The following WDR64 variants were observed in gnomAD, a reference collection of about 807,000 sequenced individuals.
WDR64 encodes WD repeat-containing protein 64.
Under a neutral mutation model 139.3 loss-of-function variants are expected in WDR64, and 112 were observed. That is an observed-to-expected ratio of 0.80 (90% CI 0.69 to 0.94). WDR64 has a LOEUF of 0.94. Among genes scored for constraint, WDR64 ranks in the 40% least tolerant of loss-of-function variants. The probability of loss-of-function intolerance (pLI) is 0.00; values close to 1 mark genes in which losing one functional copy is unlikely to be tolerated. For synonymous variants in WDR64, 444 were observed against 437.7 expected, an observed-to-expected ratio of 1.01 and a Z score of -0.18; for missense variants, 1,206 against 1,293.1, an observed-to-expected ratio of 0.93 and a Z score of 1.03.
chr1:241,676,745 G>GT lies in WDR64; in HGVS notation c.484-1424dup, dbSNP rs11342790. Among the ~76,000 whole-genome samples the GT allele has an allele frequency of 5.3e-3, 660 of 124,318 alleles. 2 individuals are homozygous for GT. The highest frequency in any genetic ancestry group is 0.013 in the African/African-American group (437 of 33,328). The allele number at this position is 124,318 out of a possible 152,430, so 81.6% of individuals were successfully genotyped here. ...GGAAAAAATGGCTAAAAAATTAATG[G>GT]TTTTTTTTTTTTTTTTTTGTAGAAA... is the stretch of plus-strand genomic sequence containing the variant. On this transcript the variant is annotated intron_variant, in intron 4 of 27. Coordinates refer to ENST00000437684, the MANE Select transcript of WDR64 (RefSeq NM_001367482.1).
chr1:241,756,429 T>A (rs1392285666), intron 14 of WDR64, among the ~76,000 whole-genome samples: 2 of 152,190 alleles, frequency 1.3e-5, no homozygotes, highest in Non-Finnish European at 1.5e-5. Context: ...GAGACTTTGC[T>A]GAAGTTGCTT....
chr1:241,730,091 T>C (rs1669020059), intron 10 of WDR64, among the ~76,000 whole-genome samples: 1 of 152,166 alleles, frequency 6.6e-6, no homozygotes, highest in African/African-American at 2.4e-5. Flanking sequence ...AGTGGCCATC[T>C]AGGAAGAAAA....
chr1:241,692,139 T>G (rs1377393316), intron 8 of WDR64, among the ~76,000 whole-genome samples: 4 of 151,542 alleles, frequency 2.6e-5, no homozygotes, highest in Admixed American at 2.6e-4. Context: ...ACCACAAAAC[T>G]CCAATTAAAG....
intron 8 of WDR64, among the ~76,000 whole-genome samples, chr1:241,701,025 A>T (rs1053184642): frequency 1.3e-5 from 2 of 152,194 alleles, no homozygotes; most frequent in African/African-American, 2.4e-5. Flanking sequence ...AAGCATTAGG[A>T]TCTGTCAATC....
chr1:241,775,803 CT>C (rs1399566028), intron 21 of WDR64, among the ~76,000 whole-genome samples: 1 of 152,034 alleles, frequency 6.6e-6, no homozygotes, highest in Admixed American at 6.5e-5. Context: ...TTTTATTTTA[CT>C]AGTGTTTATC....
intron 10 of WDR64, among the ~76,000 whole-genome samples, chr1:241,735,853 CTCTG>C (rs780815279): frequency 0.19 from 16,133 of 87,010 alleles, 1,097 homozygotes; most frequent in Middle Eastern, 0.27. Flanking sequence ...CTCTCTCTCT[CTCTG>C]TGTGTGTGTG....
At chr1:241,661,146 T>A (rs1665816962) in intron 2 of WDR64, among the ~76,000 whole-genome samples, 1 of 151,456 alleles carries the variant, frequency 6.6e-6, no homozygotes, top group Admixed American at 6.6e-5. Context: ...ATAATTTTTA[T>A]AAATTATCTG....
At position 241,787,946 on chromosome 1, in the gene WDR64, G is replaced by A; in HGVS notation, c.2803G>A (p.Val935Ile). The change falls in exon 24 of 28, where the codon GTT becomes ATT. Residue 935 changes from valine to isoleucine, a missense_variant. Transcript: ENST00000437684. ...QTRDFILPCDVTEYPIEIKEE... is the reference protein window; with the variant it reads ...QTRDFILPCDITEYPIEIKEE... ...AAGAGATTTCATTTTGCCTTGTGAT[G>A]TTACTGAATATCCCATAGAAATAAA... The A allele has an allele frequency of 1.2e-6, 2 of 1,612,000 alleles. No individual in the cohort carries two copies. Among genetic ancestry groups the A allele is most frequent in the Non-Finnish European group, 1.7e-6 (2 of 1,179,292 alleles).
At chr1:241,798,378 C>T (rs1175171990) in intron 27 of WDR64, among the ~76,000 whole-genome samples, 1 of 151,960 alleles carries the variant, frequency 6.6e-6, no homozygotes, top group Non-Finnish European at 1.5e-5. Flanking sequence ...AATTGGTTTC[C>T]AATATACAAT....
intron 2 of WDR64, among the ~76,000 whole-genome samples, chr1:241,665,961 G>A (rs1170411639): frequency 2.0e-5 from 3 of 152,094 alleles, no homozygotes; most frequent in African/African-American, 7.2e-5. Flanking sequence ...GAATGTTCCA[G>A]GATAGGTTAA....
intron 10 of WDR64, among the ~76,000 whole-genome samples, chr1:241,725,495 G>A (rs1668783108): frequency 6.6e-6 from 1 of 151,914 alleles, no homozygotes; most frequent in African/African-American, 2.4e-5. Flanking sequence ...AAGCAATCGG[G>A]ATCTCCAAGG....
Position 241,656,785 on chromosome 1 carries a change from G to A in WDR64, c.146-3745G>A, listed in dbSNP as rs76378380. ...TGTGCATTGTAGGATGTTAAGCAGCGTCCTTGGCCTCTACTCACTAGATGC... is the reference window on the plus strand; with the variant it reads ...TGTGCATTGTAGGATGTTAAGCAGCATCCTTGGCCTCTACTCACTAGATGC... On this transcript the variant is annotated intron_variant, in intron 1 of 27. Coordinates refer to ENST00000437684, the MANE Select transcript of WDR64 (RefSeq NM_001367482.1). The surrounding 1 kb of genome is among the most constrained non-coding windows in gnomAD (Gnocchi z 4.3). Among the ~76,000 whole-genome samples the A allele has an allele frequency of 0.099, 15,059 of 151,900 alleles. 835 individuals carry two copies. Among genetic ancestry groups the A allele is most frequent in the East Asian group, 0.2 (1,044 of 5,152 alleles).
intron 22 of WDR64, 145 bp from the exon 23 acceptor site, chr1:241,783,127 T>C (rs79195530): frequency 0.019 from 12,573 of 663,174 alleles, 181 homozygotes; most frequent in Non-Finnish European, 0.024. Context: ...GAAGAGCTAA[T>C]TGGGGGCAAG....
chr1:241,766,119 T>A, intron 15 of WDR64, 99 bp from the exon 16 acceptor site: 1 of 1,135,886 alleles, frequency 8.8e-7, no homozygotes, highest in Non-Finnish European at 1.2e-6. Flanking sequence ...ATAAGGCATT[T>A]TGTTTTAAGT....
intron 8 of WDR64, among the ~76,000 whole-genome samples, chr1:241,694,358 C>G (rs893170990): frequency 3.3e-5 from 5 of 152,058 alleles, no homozygotes; most frequent in Admixed American, 6.6e-5. Flanking sequence ...TAACATATTG[C>G]ACTGAAAGAC....
At chr1:241,741,760 C>A in intron 12 of WDR64, 96 bp downstream of exon 12, 1 of 1,245,072 alleles carries the variant, frequency 8.0e-7, no homozygotes, top group African/African-American at 1.5e-5. Context: ...GCAAATGTAG[C>A]GGCACATACG....
chr1:241,710,801 A>C (rs1402523554), intron 8 of WDR64, among the ~76,000 whole-genome samples: 2 of 152,234 alleles, frequency 1.3e-5, no homozygotes, highest in Non-Finnish European at 2.9e-5. Context: ...CAGGCCAGCC[A>C]GGTAAAAGAA....
intron 21 of WDR64, among the ~76,000 whole-genome samples, chr1:241,775,821 T>C (rs900041029): frequency 7.2e-5 from 11 of 152,152 alleles, no homozygotes; most frequent in African/African-American, 2.7e-4. Context: ...TATCTTCAAG[T>C]TTGTCAAAAC....
chr1:241,773,408 T>A (rs943758729), intron 20 of WDR64, among the ~76,000 whole-genome samples: 1 of 152,212 alleles, frequency 6.6e-6, no homozygotes, highest in Non-Finnish European at 1.5e-5. Context: ...GAAGATTTAC[T>A]AGAAAAATCT....
Sources: gnomAD v4.1 joint callset for allele counts (sites outside exome capture counted in the v4.1 genomes callset) on GRCh38, gnomAD v4.1.1 for gene constraint, Gnocchi (gnomAD v3.1) non-coding constraint, MANE v1.5 for transcripts, NCBI Gene and HGNC (gene_info 2026-07-23, HGNC 2026-07-21) for gene names.